The following NFIA variants were observed in gnomAD, a reference collection of about 807,000 sequenced individuals.
The protein encoded by NFIA is nuclear factor I A.
A neutral mutation model predicts 62.8 loss-of-function variants in NFIA; 8 were observed. The observed-to-expected ratio is 0.13, with a 90% CI of 0.07 to 0.23. The LOEUF (loss-of-function observed/expected upper bound fraction) is 0.23. Ranked by LOEUF, NFIA falls within the 10% of genes least tolerant of loss-of-function variation. The pLI is 1.00. For synonymous variants in NFIA, 235 were observed against 238.1 expected (o/e 0.99, Z 0.12); for missense variants, 410 against 642.1 (o/e 0.64, Z 3.91).
chr1:61,306,203 C>G (rs568554689), intron 3 of NFIA, among the ~76,000 whole-genome samples: 1 of 149,164 alleles, frequency 6.7e-6, no homozygotes, highest in Non-Finnish European at 1.5e-5. Flanking sequence ...TCTCTCACTT[C>G]TCTGGTTCTC....
intron 2 of NFIA, among the ~76,000 whole-genome samples, chr1:61,216,136 A>T (rs1030668836): frequency 6.6e-6 from 1 of 152,178 alleles, no homozygotes; most frequent in Non-Finnish European, 1.5e-5. Context: ...TCCCTGTATC[A>T]GAGAGTTTGG....
intron 2 of NFIA, among the ~76,000 whole-genome samples, chr1:61,115,561 G>A (rs1388807612): frequency 6.6e-6 from 1 of 152,234 alleles, no homozygotes; most frequent in African/African-American, 2.4e-5. Flanking sequence ...GACTTGCAGG[G>A]ACAGAGCATG....
At chr1:61,241,819 A>G (rs1379882559) in intron 2 of NFIA, among the ~76,000 whole-genome samples, 1 of 152,126 alleles carries the variant, frequency 6.6e-6, no homozygotes, top group Admixed American at 6.6e-5. Flanking sequence ...AAGACTATTC[A>G]GGGGAATACA....
At chr1:61,225,899 A>G (rs1219293766) in intron 2 of NFIA, among the ~76,000 whole-genome samples, 1 of 152,192 alleles carries the variant, frequency 6.6e-6, no homozygotes, top group Non-Finnish European at 1.5e-5. Flanking sequence ...AAGATTTAAC[A>G]TAGTTTATTA....
intron 2 of NFIA, among the ~76,000 whole-genome samples, chr1:61,127,382 G>A (rs750311126): frequency 3.3e-4 from 48 of 146,450 alleles, no homozygotes; most frequent in Admixed American, 3.1e-3. Flanking sequence ...GCTTGAACCC[G>A]GGAGGTGGAG....
intron 2 of NFIA, among the ~76,000 whole-genome samples, chr1:61,186,048 C>A (rs1187344881): frequency 1.3e-5 from 2 of 152,138 alleles, no homozygotes; most frequent in Non-Finnish European, 2.9e-5. Context: ...TTAGAATACT[C>A]CAAAATATTT....
intron 2 of NFIA, among the ~76,000 whole-genome samples, chr1:61,095,386 C>T (rs1646393124): frequency 6.6e-6 from 1 of 152,170 alleles, no homozygotes; most frequent in Admixed American, 6.5e-5. Flanking sequence ...TCAGAGTGGC[C>T]AGGTTACATG....
intron 9 of NFIA, among the ~76,000 whole-genome samples, chr1:61,423,708 T>G (rs1046544385): frequency 8.5e-5 from 13 of 152,202 alleles, no homozygotes; most frequent in Non-Finnish European, 1.5e-4. Context: ...TCAATTAAGG[T>G]TTTATTCAAC....
chr1:61,164,685 C>A (rs1238426046), intron 2 of NFIA, among the ~76,000 whole-genome samples: 1 of 152,124 alleles, frequency 6.6e-6, no homozygotes, highest in South Asian at 2.1e-4. Context: ...TGGTCTCAAT[C>A]TCCTGACCTC....
intron 2 of NFIA, among the ~76,000 whole-genome samples, chr1:61,153,342 T>C (rs2100524552): frequency 6.6e-6 from 1 of 152,358 alleles, no homozygotes; most frequent in Non-Finnish European, 1.5e-5. Context: ...TCATGTGGTC[T>C]TTTGTTGCTA....
chr1:61,331,144 T>C (rs1217625453), intron 3 of NFIA, among the ~76,000 whole-genome samples: 1 of 152,180 alleles, frequency 6.6e-6, no homozygotes, highest in African/African-American at 2.4e-5. Flanking sequence ...AATTTTGCCA[T>C]TTTATTTCAA....
chr1:61,365,975 A>G (rs1663564129), intron 6 of NFIA, among the ~76,000 whole-genome samples: 1 of 152,194 alleles, frequency 6.6e-6, no homozygotes, highest in African/African-American at 2.4e-5. Context: ...AGAATAAGGG[A>G]TAGTTTCCTT....
chr1:61,335,654 C>A (rs1661564322), intron 4 of NFIA, among the ~76,000 whole-genome samples: 4 of 152,030 alleles, frequency 2.6e-5, no homozygotes, highest in Non-Finnish European at 4.4e-5. Flanking sequence ...ACCAGCCTGG[C>A]CAACATGGAG....
At chr1:61,334,653 A>G (rs1661505747) in intron 4 of NFIA, among the ~76,000 whole-genome samples, 1 of 147,518 alleles carries the variant, frequency 6.8e-6, no homozygotes, top group Non-Finnish European at 1.5e-5. Context: ...ATAGGAAAAT[A>G]CATTCATTGA....
At chr1:61,396,239 T>G (rs1019631971) in intron 7 of NFIA, among the ~76,000 whole-genome samples, 1 of 152,174 alleles carries the variant, frequency 6.6e-6, no homozygotes, top group African/African-American at 2.4e-5. Context: ...TGTTACTGTT[T>G]TTTTGTTTGT....
chr1:61,342,299 T>C (rs1006303100), intron 4 of NFIA, among the ~76,000 whole-genome samples: 2 of 152,130 alleles, frequency 1.3e-5, no homozygotes, highest in Admixed American at 6.5e-5. Flanking sequence ...CAGTGCACTA[T>C]TGGTTGTGGG....
intron 3 of NFIA, 134 bp from the exon 4 acceptor site, chr1:61,332,378 A>C (rs1398901270): frequency 5.1e-6 from 4 of 783,168 alleles, no homozygotes; most frequent in Non-Finnish European, 8.1e-6. Context: ...GCCCTCCCAC[A>C]TAAACCCCAA....
At chr1:61,326,988 C>A (rs1411789226) in intron 3 of NFIA, among the ~76,000 whole-genome samples, 3 of 150,978 alleles carry the variant, frequency 2.0e-5, no homozygotes, top group Non-Finnish European at 4.4e-5. Flanking sequence ...GTACTCTGAA[C>A]GTTCTGTGGG....
intron 3 of NFIA, among the ~76,000 whole-genome samples, chr1:61,297,412 T>C (rs1659246194): frequency 6.6e-6 from 1 of 152,212 alleles, no homozygotes; most frequent in Admixed American, 6.5e-5. Context: ...CTTACATTAC[T>C]TAAACCACTG....
Sources: gnomAD v4.1 joint callset for allele counts (sites outside exome capture counted in the v4.1 genomes callset) on GRCh38, gnomAD v4.1.1 for gene constraint, MANE v1.5 for transcripts, NCBI Gene and HGNC (gene_info 2026-07-23, HGNC 2026-07-21) for gene names.